The following KALRN variants were observed in gnomAD, a reference collection of about 807,000 sequenced individuals.
KALRN encodes kalirin RhoGEF kinase, also known as kalirin.
KALRN carries 70 observed loss-of-function variants against 353.7 expected under a neutral mutation model. The ratio of observed to expected loss-of-function variants is 0.20; its 90% CI spans 0.16 to 0.24. KALRN has a LOEUF of 0.24. Ranked by LOEUF, KALRN falls within the 10% of genes least tolerant of loss-of-function variation. KALRN has a pLI of 1.00. For missense variants in KALRN, 2,791 were observed against 3,756.7 expected, an observed-to-expected ratio of 0.74 and a Z score of 6.72; for synonymous variants, 1,391 against 1,434.8, an observed-to-expected ratio of 0.97 and a Z score of 0.69.
chr3:124,298,749 C>T lies in KALRN; in HGVS notation c.970-42C>T, dbSNP rs1326979599. The T allele has an allele frequency of 3.1e-6, 5 of 1,613,102 alleles. No homozygotes were observed. The African/African-American group carries it at 5.3e-5, about 17-fold the overall frequency. On this transcript the variant is annotated intron_variant, in intron 5 of 59. Coordinates refer to ENST00000682506, the MANE Select transcript of KALRN (RefSeq NM_001388419.1). ...TCTGAAAGTTTTGCCCTATTCGACC[C>T]ATGACCATTCTGATTATGCTGTGCC...
intron 34 of KALRN, among the ~76,000 whole-genome samples, chr3:124,582,670 A>G (rs958980977): frequency 1.3e-5 from 2 of 151,982 alleles, no homozygotes; most frequent in African/African-American, 4.8e-5. Flanking sequence ...TTAGCATATA[A>G]ATGCTCAATA....
intron 6 of KALRN, among the ~76,000 whole-genome samples, chr3:124,320,704 T>C (rs2079242459): frequency 6.6e-6 from 1 of 152,186 alleles, no homozygotes; most frequent in African/African-American, 2.4e-5. Context: ...ACTTAAGGTA[T>C]GGAAGGACAT....
At chr3:124,594,890 T>C (rs2076132564) in intron 34 of KALRN, among the ~76,000 whole-genome samples, 1 of 152,178 alleles carries the variant, frequency 6.6e-6, no homozygotes, top group Non-Finnish European at 1.5e-5. Context: ...GGCCTTCTCA[T>C]TGTGCAGCTG....
chr3:124,335,075 G>C (rs187107646), intron 9 of KALRN, among the ~76,000 whole-genome samples: 18 of 152,226 alleles, frequency 1.2e-4, no homozygotes, highest in African/African-American at 4.3e-4. Context: ...TATGGGTTAG[G>C]ATTAGGGCCA....
At chr3:124,371,784 T>C (rs983497978) in intron 10 of KALRN, among the ~76,000 whole-genome samples, 2 of 152,218 alleles carry the variant, frequency 1.3e-5, no homozygotes, top group Admixed American at 6.5e-5. Context: ...GCATTTAGCC[T>C]CTAAGTTACA....
chr3:124,442,190 G>T (rs1181166057), intron 19 of KALRN, 131 bp downstream of exon 19: 1 of 542,682 alleles, frequency 1.8e-6, no homozygotes, highest in African/African-American at 2.0e-5. Flanking sequence ...TGTATGATGT[G>T]GGATGGTGTG....
At chr3:124,420,892 TGA>T (rs1468247885) in intron 14 of KALRN, among the ~76,000 whole-genome samples, 2 of 151,994 alleles carry the variant, frequency 1.3e-5, no homozygotes, top group South Asian at 2.1e-4. Flanking sequence ...TGAGTTAGAG[TGA>T]GGGGGAAATC....
At chr3:124,553,867 C>T (rs1162789342) in intron 33 of KALRN, among the ~76,000 whole-genome samples, 1 of 152,278 alleles carries the variant, frequency 6.6e-6, no homozygotes. Flanking sequence ...TTAATCCTCC[C>T]AGCCGCATCT....
At chr3:124,439,198 TCTCACACACACACA>T (rs1258064186) in intron 18 of KALRN, among the ~76,000 whole-genome samples, 161 bp downstream of exon 18, 1 of 125,456 alleles carries the variant, frequency 8.0e-6, no homozygotes, top group Non-Finnish European at 1.6e-5. Context: ...TCTCTCTCTC[TCTCACACACACACA>T]CACACACACA....
intron 33 of KALRN, among the ~76,000 whole-genome samples, chr3:124,525,411 G>A (rs1045621678): frequency 1.3e-5 from 2 of 152,158 alleles, no homozygotes; most frequent in African/African-American, 4.8e-5. Context: ...AGATTTGCCT[G>A]TGTTGAGTTC....
chr3:124,648,486 C>T (rs534289282), intron 37 of KALRN, among the ~76,000 whole-genome samples: 8 of 152,312 alleles, frequency 5.3e-5, no homozygotes, highest in Non-Finnish European at 1.0e-4. Context: ...GCAGAGGTGT[C>T]TCCCTGGGAA....
intron 47 of KALRN, among the ~76,000 whole-genome samples, chr3:124,668,479 C>T (rs978394877): frequency 6.6e-6 from 1 of 152,194 alleles, no homozygotes; most frequent in Non-Finnish European, 1.5e-5. Flanking sequence ...CACCTGGCAT[C>T]CTCCCTACAA....
At chr3:124,221,397 CTG>C (rs1409103038) in intron 1 of KALRN, among the ~76,000 whole-genome samples, 1 of 152,148 alleles carries the variant, frequency 6.6e-6, no homozygotes, top group Non-Finnish European at 1.5e-5. Context: ...GTGACAGGCC[CTG>C]TGTGAGGTTC....
At chr3:124,186,606 CA>C (rs2074259718) in intron 1 of KALRN, among the ~76,000 whole-genome samples, 2 of 152,176 alleles carry the variant, frequency 1.3e-5, no homozygotes, top group African/African-American at 4.8e-5. Flanking sequence ...AGCAGGTGTC[CA>C]GTTATTTACT....
At chr3:124,368,185 G>T (rs1375166353) in intron 10 of KALRN, among the ~76,000 whole-genome samples, 1 of 80,574 alleles carries the variant, frequency 1.2e-5, no homozygotes. Flanking sequence ...TGGCCGGGCG[G>T]GGGGCTGACC....
intron 34 of KALRN, among the ~76,000 whole-genome samples, chr3:124,592,669 G>A (rs565722317): frequency 7.2e-5 from 11 of 152,270 alleles, no homozygotes; most frequent in African/African-American, 2.6e-4. Flanking sequence ...GGTGCTGGAT[G>A]TTTCACTGAG....
At chr3:124,271,918 G>T (rs1463591986) in intron 5 of KALRN, among the ~76,000 whole-genome samples, 1 of 152,170 alleles carries the variant, frequency 6.6e-6, no homozygotes, top group Non-Finnish European at 1.5e-5. Flanking sequence ...CTTAAACACG[G>T]TTATTTGCAG....
chr3:124,514,367 G>A (rs535842448), intron 33 of KALRN, among the ~76,000 whole-genome samples: 144 of 152,080 alleles, frequency 9.5e-4, no homozygotes, highest in Non-Finnish European at 5.4e-4. Context: ...TTCCCCACCC[G>A]ATCTAATGGA....
At chr3:124,516,710 A>G (rs545051663) in intron 33 of KALRN, among the ~76,000 whole-genome samples, 1 of 150,492 alleles carries the variant, frequency 6.6e-6, no homozygotes, top group Non-Finnish European at 1.5e-5. Flanking sequence ...TAATCAGGAC[A>G]GCTGATGCCA....
Sources: gnomAD v4.1 joint callset for allele counts (sites outside exome capture counted in the v4.1 genomes callset) on GRCh38, gnomAD v4.1.1 for gene constraint, MANE v1.5 for transcripts, NCBI Gene and HGNC (gene_info 2026-07-23, HGNC 2026-07-21) for gene names.